The following UNC13C variants were observed in gnomAD, a reference collection of about 807,000 sequenced individuals.
UNC13C encodes unc-13 homolog C, also known as protein unc-13 homolog C.
In UNC13C, 174 loss-of-function variants were observed where a neutral mutation model predicts 245.4. That is an observed-to-expected ratio of 0.71 (90% CI 0.63 to 0.80). The LOEUF (loss-of-function observed/expected upper bound fraction) is 0.80, where lower values mean the gene tolerates loss of function less well. UNC13C is among the 30% of genes least tolerant of loss of function. The pLI, the probability that UNC13C is intolerant of heterozygous loss-of-function variation, is 0.00. For synonymous variants in UNC13C, 992 were observed against 895.1 expected (o/e 1.11, Z -1.93); for missense variants, 2,829 against 2,602.9 (o/e 1.09, Z -1.89).
rs1176796622 is a variant in UNC13C at position 54,014,136 on chromosome 15, T to C, written c.1233T>C (p.His411=). ...GIGISTDILT[H]DIRERKEKGI... is the part of the protein sequence containing the mutation. ...GAATCTCAACAGATATTCTAACTCA[T>C]GACATCAGAGAAAGAAAAGAGAAAG... The change falls in exon 2 of 33, where the codon CAT becomes CAC. Residue 411 remains histidine, a synonymous_variant. Transcript: ENST00000260323. 6.2e-7 allele frequency: 1 copy of C among 1,613,620 alleles called. No homozygotes were observed. The highest frequency in any genetic ancestry group is 1.3e-5 in the African/African-American group (1 of 74,902).
intron 18 of UNC13C, among the ~76,000 whole-genome samples, chr15:54,413,245 A>G (rs905531584): frequency 2.6e-5 from 4 of 151,800 alleles, no homozygotes; most frequent in Admixed American, 2.0e-4. Context: ...TTTAGTTTTT[A>G]GTTTTAGTTC....
chr15:54,051,477 T>G (rs1897263493), intron 2 of UNC13C, among the ~76,000 whole-genome samples: 1 of 152,094 alleles, frequency 6.6e-6, no homozygotes, highest in South Asian at 2.1e-4. Flanking sequence ...CTGCTTAGTC[T>G]CTCTATTCAA....
intron 2 of UNC13C, among the ~76,000 whole-genome samples, chr15:54,139,761 A>T (rs957143852): frequency 1.3e-5 from 2 of 152,158 alleles, no homozygotes; most frequent in Admixed American, 6.5e-5. Flanking sequence ...GTCTAAATTT[A>T]AAAATCTCTT....
chr15:54,489,428 T>A (rs582890), intron 19 of UNC13C, among the ~76,000 whole-genome samples: 88,862 of 151,932 alleles, frequency 0.58, 26,140 homozygotes, highest in East Asian at 0.79. Flanking sequence ...CATAGTGGAG[T>A]CAGCTAGAGT....
intron 19 of UNC13C, among the ~76,000 whole-genome samples, chr15:54,474,233 T>A (rs1892608289): frequency 6.6e-6 from 1 of 151,962 alleles, no homozygotes; most frequent in Non-Finnish European, 1.5e-5. Context: ...TTATTTTTAG[T>A]TTTTATGATA....
intron 19 of UNC13C, among the ~76,000 whole-genome samples, chr15:54,446,939 G>A (rs1013585189): frequency 6.6e-5 from 10 of 152,132 alleles, no homozygotes; most frequent in African/African-American, 2.4e-4. Context: ...GTAGTAAATA[G>A]CACTTATTAT....
chr15:54,186,833 C>CAA (rs2034000602), intron 4 of UNC13C, among the ~76,000 whole-genome samples: 1 of 103,564 alleles, frequency 9.7e-6, no homozygotes, highest in Admixed American at 9.7e-5. Context: ...ATACAAAGAA[C>CAA]ATAATATATA....
chr15:54,166,408 A>C (rs932359264), intron 4 of UNC13C, among the ~76,000 whole-genome samples: 30 of 152,166 alleles, frequency 2.0e-4, no homozygotes, highest in African/African-American at 7.2e-4. Flanking sequence ...TTTTATTATT[A>C]TGTACAAAAT....
chr15:54,028,414 C>G (rs868397922), intron 2 of UNC13C, among the ~76,000 whole-genome samples: 2 of 152,192 alleles, frequency 1.3e-5, no homozygotes, highest in Non-Finnish European at 2.9e-5. Flanking sequence ...CATCCCTGCT[C>G]TGCCACTAAT....
At chr15:54,575,301 A>G (rs1215067524) in intron 30 of UNC13C, among the ~76,000 whole-genome samples, 1 of 152,196 alleles carries the variant, frequency 6.6e-6, no homozygotes, top group African/African-American at 2.4e-5. Context: ...TCCAGAATAT[A>G]GGATGAAAAG....
chr15:54,595,264 T>C (rs1375280899), intron 30 of UNC13C, among the ~76,000 whole-genome samples: 1 of 152,016 alleles, frequency 6.6e-6, no homozygotes, highest in African/African-American at 2.4e-5. Context: ...CCTAAGGACA[T>C]GAAGGCAATA....
chr15:53,919,022 C>T, the UNC13C span, among the ~76,000 whole-genome samples: 1 of 152,192 alleles, frequency 6.6e-6, no homozygotes, highest in Non-Finnish European at 1.5e-5. Context: ...AAGCTCTATA[C>T]TTAATGTGAA....
At chr15:54,485,465 A>G (rs1037012061) in intron 19 of UNC13C, among the ~76,000 whole-genome samples, 11 of 152,206 alleles carry the variant, frequency 7.2e-5, no homozygotes, top group Admixed American at 5.2e-4. Context: ...CATCACTGCT[A>G]CCACCCAAGT....
At chr15:54,453,086 C>G (rs1814054171) in intron 19 of UNC13C, among the ~76,000 whole-genome samples, 1 of 152,116 alleles carries the variant, frequency 6.6e-6, no homozygotes, top group African/African-American at 2.4e-5. Flanking sequence ...TATGAGGGAC[C>G]AAACCTGAGC....
chr15:54,351,541 T>A (rs1199080634), intron 17 of UNC13C, among the ~76,000 whole-genome samples: 1 of 152,188 alleles, frequency 6.6e-6, no homozygotes, highest in African/African-American at 2.4e-5. Context: ...GTTCTTTATA[T>A]AATTCCTTTT....
intron 4 of UNC13C, among the ~76,000 whole-genome samples, chr15:54,216,070 G>A (rs758585809): frequency 2.6e-5 from 4 of 151,856 alleles, no homozygotes; most frequent in Non-Finnish European, 4.4e-5. Context: ...GCAAATGAGA[G>A]AGGATGTGAG....
At chr15:54,300,139 G>A in intron 12 of UNC13C, 71 bp from the exon 13 acceptor site, 1 of 1,425,330 alleles carries the variant, frequency 7.0e-7, no homozygotes, top group Non-Finnish European at 9.5e-7. Context: ...GCATTTTACT[G>A]GAAGTTTTAG....
At chr15:54,158,244 A>G (rs1278931080) in intron 4 of UNC13C, among the ~76,000 whole-genome samples, 1 of 152,224 alleles carries the variant, frequency 6.6e-6, no homozygotes, top group East Asian at 1.9e-4. Context: ...TCCCTTTCTA[A>G]AAACTTTGAT....
chr15:53,849,549 A>C, the UNC13C span, among the ~76,000 whole-genome samples: 1 of 152,124 alleles, frequency 6.6e-6, no homozygotes, highest in Admixed American at 6.6e-5. Flanking sequence ...TCCAGAATAC[A>C]TTACTATTGC....
Sources: allele counts gnomAD v4.1 joint callset (sites outside exome capture counted in the v4.1 genomes callset), GRCh38; gene constraint gnomAD v4.1.1; transcripts MANE v1.5; gene names NCBI Gene and HGNC (gene_info 2026-07-23, HGNC 2026-07-21).